The following LHX4 variants were observed in gnomAD, a reference collection of about 807,000 sequenced individuals.
LHX4 encodes the protein LIM homeobox 4.
Under a neutral mutation model 39.2 loss-of-function variants are expected in LHX4, and 16 were observed. The observed-to-expected ratio is 0.41, with a 90% CI of 0.28 to 0.62. The LOEUF is 0.62. LHX4 is among the 20% of genes least tolerant of loss of function. The pLI is 0.33. For missense variants in LHX4, 439 were observed against 511.9 expected, an observed-to-expected ratio of 0.86 and a Z score of 1.37; for synonymous variants, 206 against 198.1, an observed-to-expected ratio of 1.04 and a Z score of -0.33.
upstream of LHX4, among the ~76,000 whole-genome samples, chr1:180,228,631 G>A (rs1054850685): frequency 2.6e-5 from 4 of 152,056 alleles, no homozygotes; most frequent in South Asian, 8.3e-4. Flanking sequence ...TGTGTATATT[G>A]TCTCGCGCGC....
chr1:180,257,788 T>C (rs1647921511), intron 2 of LHX4, among the ~76,000 whole-genome samples: 2 of 152,160 alleles, frequency 1.3e-5, no homozygotes, highest in African/African-American at 4.8e-5. Flanking sequence ...CCATGGCAGC[T>C]CCACGCACAG....
At position 180,238,156 on chromosome 1, in the gene LHX4, A is replaced by G. The variant is rs146518708; in HGVS notation, c.76+7551A>G. On this transcript the variant is annotated intron_variant, in intron 1 of 5. Coordinates refer to ENST00000263726, the MANE Select transcript of LHX4 (RefSeq NM_033343.4). ...ATCCAAATTACAGCCTTAAAATGAT[A>G]ACATCGAAATTATCTCCAGTTTACT... Among the ~76,000 whole-genome samples, 576 of 152,374 alleles carry G rather than the reference A, an allele frequency of 3.8e-3. 3 individuals carry two copies. Among genetic ancestry groups the G allele is most frequent in the Middle Eastern group, 0.017 (5 of 294 alleles).
chr1:180,239,745 C>T (rs961712132), intron 1 of LHX4, among the ~76,000 whole-genome samples: 1 of 152,194 alleles, frequency 6.6e-6, no homozygotes, highest in Non-Finnish European at 1.5e-5. Flanking sequence ...AATGAATGTC[C>T]GCTTCACAGG....
At chr1:180,255,237 A>G (rs1020254347) in intron 2 of LHX4, among the ~76,000 whole-genome samples, 1 of 152,250 alleles carries the variant, frequency 6.6e-6, no homozygotes, top group Non-Finnish European at 1.5e-5. Context: ...GGTTGGTCGT[A>G]GAGTCAGTGT....
intron 2 of LHX4, among the ~76,000 whole-genome samples, chr1:180,264,090 A>G (rs1332888204): frequency 6.6e-6 from 1 of 152,100 alleles, no homozygotes; most frequent in Non-Finnish European, 1.5e-5. Flanking sequence ...TCAGCCTCCC[A>G]GGTAGCTGGG....
At chr1:180,271,125 AG>A (rs1648624791) in intron 3 of LHX4, 1 of 554,226 alleles carries the variant, frequency 1.8e-6, no homozygotes, top group South Asian at 2.0e-5. Flanking sequence ...CTGGGCTGGC[AG>A]GGGAGGGTTG....
chr1:180,230,050 C>A (rs1664135836), upstream of LHX4, among the ~76,000 whole-genome samples: 1 of 150,016 alleles, frequency 6.7e-6, no homozygotes, highest in Admixed American at 6.6e-5. The surrounding 1 kb of genome is among the most constrained non-coding windows in gnomAD (Gnocchi z 5.8). Context: ...CTCGGGGCGC[C>A]GGGACCCCCA....
intron 2 of LHX4, among the ~76,000 whole-genome samples, chr1:180,261,981 GGT>G (rs1648130258): frequency 6.6e-6 from 1 of 152,212 alleles, no homozygotes; most frequent in South Asian, 2.1e-4. Flanking sequence ...AGCAGAAGCT[GGT>G]GTGTTTCCAG....
intron 1 of LHX4, among the ~76,000 whole-genome samples, chr1:180,243,475 A>C (rs1647259597): frequency 2.0e-5 from 3 of 152,300 alleles, no homozygotes; most frequent in Admixed American, 6.5e-5. Flanking sequence ...ATAATAATTT[A>C]TTACAGGTTT....
rs1649079853 is a variant in LHX4 at position 180,277,064 on chromosome 1, A to G, written c.*2485A>G. ...GTTAGCTGGAAAAACCCTTGAGAGC[A>G]CTGGCCTGAAAACCAGGAGAGCTTT... On this transcript the variant is annotated 3_prime_UTR_variant, in exon 6 of 6. Transcript: ENST00000263726. The G allele has an allele frequency of 6.7e-6, 1 of 150,288 alleles. No homozygotes were observed. The highest frequency in any genetic ancestry group is 1.5e-5 in the Non-Finnish European group (1 of 68,028). The allele number at this position is 150,288 out of a possible 1,614,324, so 9.3% of individuals were successfully genotyped here. A position where few individuals can be genotyped will look rare whatever the true frequency, so the allele number is the denominator to read the frequency against.
chr1:180,230,548 G>C lies in LHX4; in HGVS notation c.19G>C (p.Val7Leu), dbSNP rs751313880. The C allele has an allele frequency of 1.9e-6, 3 of 1,613,830 alleles. No homozygotes were observed. Among genetic ancestry groups the C allele is most frequent in the Non-Finnish European group, 2.5e-6 (3 of 1,179,996 alleles). The change falls in exon 1 of 6, where the codon GTC becomes CTC. Residue 7 changes from valine to leucine, a missense_variant. Val to Leu is a conservative substitution (Grantham distance 32, BLOSUM62 1). Coordinates refer to ENST00000263726, the MANE Select transcript of LHX4 (RefSeq NM_033343.4). This position sits in a 1 kb window ranked among gnomAD's most constrained non-coding sequence, Gnocchi z 5.8. MMQSAT[V>L]PAEGAVKGLP... ...CTCCGAGATGATGCAGAGTGCGACTGTCCCCGCGGAAGGGGCTGTCAAGGG... is the reference window on the plus strand; with the variant it reads ...CTCCGAGATGATGCAGAGTGCGACTCTCCCCGCGGAAGGGGCTGTCAAGGG...
At chr1:180,250,159 T>G (rs1310613535) in intron 2 of LHX4, among the ~76,000 whole-genome samples, 2 of 152,144 alleles carry the variant, frequency 1.3e-5, no homozygotes, top group African/African-American at 4.8e-5. Context: ...CTGACCCTCC[T>G]CTAGTTTCCT....
At chr1:180,272,728 G>A (rs1039083644) in intron 5 of LHX4, 9 of 152,234 alleles carry the variant, frequency 5.9e-5, no homozygotes, top group Admixed American at 4.6e-4. Context: ...CTCAACTGGC[G>A]ATCAGAGACC....
rs555600393 is a variant in LHX4 at position 180,249,023 on chromosome 1, C to T, written c.248+567C>T. 6.6e-5 allele frequency among the ~76,000 whole-genome samples: 10 copies of T among 152,328 alleles called. No individual in the cohort carries two copies. The South Asian group carries it at 2.1e-3, about 32-fold the overall frequency. ...AACATGACTAAGAAAGAGGCAGTTTCATGTGATGGTTGAGTCCAGGCTCTG... is the reference window on the plus strand; with the variant it reads ...AACATGACTAAGAAAGAGGCAGTTTTATGTGATGGTTGAGTCCAGGCTCTG... On this transcript the variant is annotated intron_variant, in intron 2 of 5. Transcript: ENST00000263726.
chr1:180,259,516 G>A (rs1024395383), intron 2 of LHX4, among the ~76,000 whole-genome samples: 1 of 151,754 alleles, frequency 6.6e-6, no homozygotes, highest in African/African-American at 2.4e-5. Context: ...GGGAGGTGGG[G>A]AGGGTCCAAG....
chr1:180,249,770 A>G (rs1445928837), intron 2 of LHX4, among the ~76,000 whole-genome samples: 1 of 152,206 alleles, frequency 6.6e-6, no homozygotes, highest in Non-Finnish European at 1.5e-5. Context: ...CACATTAAAG[A>G]TCTTGGTAAC....
intron 2 of LHX4, among the ~76,000 whole-genome samples, chr1:180,249,391 T>C (rs1023690372): frequency 4.6e-5 from 7 of 152,176 alleles, no homozygotes; most frequent in African/African-American, 7.2e-5. Flanking sequence ...CCCAAGGCAG[T>C]GATGTTGGTG....
At chr1:180,238,356 A>G (rs1007235811) in intron 1 of LHX4, among the ~76,000 whole-genome samples, 1 of 152,194 alleles carries the variant, frequency 6.6e-6, no homozygotes, top group African/African-American at 2.4e-5. Context: ...TTTCTGATGT[A>G]AGAAGGATTT....
intron 1 of LHX4, among the ~76,000 whole-genome samples, chr1:180,245,399 G>A (rs949700985): frequency 6.6e-6 from 1 of 152,038 alleles, no homozygotes; most frequent in Middle Eastern, 3.4e-3. Context: ...GCCAGCCCCT[G>A]ATGGCCCCTG....
Sources: gnomAD v4.1 joint callset for allele counts (sites outside exome capture counted in the v4.1 genomes callset) on GRCh38, gnomAD v4.1.1 for gene constraint, Gnocchi (gnomAD v3.1) non-coding constraint, MANE v1.5 for transcripts, NCBI Gene and HGNC (gene_info 2026-07-23, HGNC 2026-07-21) for gene names.